AUH: variants seen among roughly 807,000 people sequenced by gnomAD.
The protein encoded by AUH is methylglutaconyl-CoA hydratase, mitochondrial.
In AUH, 29 loss-of-function variants were observed where a neutral mutation model predicts 42.3. That is an observed-to-expected ratio of 0.69 (90% CI 0.51 to 0.93). The LOEUF is 0.93. AUH is among the 40% of genes least tolerant of loss of function. AUH has a pLI of 0.00. For synonymous variants in AUH, 174 were observed against 166.4 expected (o/e 1.05, Z -0.35); for missense variants, 452 against 438.1 (o/e 1.03, Z -0.28).
chr9:91,245,986 C>G (rs954465364), intron 6 of AUH, among the ~76,000 whole-genome samples: 1 of 152,168 alleles, frequency 6.6e-6, no homozygotes, highest in African/African-American at 2.4e-5. Context: ...ATGCCAGACC[C>G]CTGTCCTGAG....
At chr9:91,313,488 G>A (rs1828871965) in intron 4 of AUH, among the ~76,000 whole-genome samples, 1 of 151,772 alleles carries the variant, frequency 6.6e-6, no homozygotes, top group South Asian at 2.1e-4. Context: ...GGTGGATCAT[G>A]AGGTCAGGAG....
intron 6 of AUH, among the ~76,000 whole-genome samples, chr9:91,236,420 A>G (rs74836824): frequency 0.031 from 4,740 of 152,196 alleles, 228 homozygotes; most frequent in African/African-American, 0.1. Context: ...AATCCTTACA[A>G]TTCCCCTATG....
Position 91,296,036 on chromosome 9 carries a change from T to A in AUH, c.640A>T (p.Ile214Phe). 2.5e-6 allele frequency: 4 copies of A among 1,614,068 alleles called. No individual in the cohort carries two copies. Among genetic ancestry groups the A allele is most frequent in the Non-Finnish European group, 3.4e-6 (4 of 1,180,002 alleles). Residue 214 changes from isoleucine (I) to phenylalanine (F), a missense_variant, in exon 6 of 10, where the codon ATT (isoleucine) becomes TTT (phenylalanine). Ile to Phe is a conservative substitution (Grantham distance 21). Transcript: ENST00000375731. ...KMGLVETKLA[I>F]IPGGGGTQRL... ...CTACTCATACCTCCACCAGGAATAA[T>A]CGCCAATTTTGTTTCAACCAGGCCC...
intron 6 of AUH, among the ~76,000 whole-genome samples, chr9:91,258,228 T>G (rs1829512741): frequency 6.6e-6 from 1 of 152,154 alleles, no homozygotes; most frequent in African/African-American, 2.4e-5. Context: ...CATTCTGTAT[T>G]TTTCTTTTTT....
At chr9:91,336,577 C>T (rs763957138) in intron 3 of AUH, among the ~76,000 whole-genome samples, 1 of 151,516 alleles carries the variant, frequency 6.6e-6, no homozygotes, top group Non-Finnish European at 1.5e-5. Context: ...TTGCAGTGAG[C>T]CGTGATTGCA....
chr9:91,312,897 C>T (rs994427575), intron 4 of AUH, among the ~76,000 whole-genome samples: 9 of 152,112 alleles, frequency 5.9e-5, no homozygotes, highest in Non-Finnish European at 1.3e-4. Flanking sequence ...AGTTATAGAT[C>T]CAATTGCCTT....
intron 6 of AUH, among the ~76,000 whole-genome samples, chr9:91,232,975 G>A (rs1174052764): frequency 6.6e-6 from 1 of 152,126 alleles, no homozygotes; most frequent in African/African-American, 2.4e-5. Context: ...GGACCATTTT[G>A]GAATTCCTCC....
chr9:91,344,452 C>A (rs980234892), intron 3 of AUH, among the ~76,000 whole-genome samples: 1 of 152,204 alleles, frequency 6.6e-6, no homozygotes, highest in African/African-American at 2.4e-5. Context: ...CTTGGGCACA[C>A]ATTCTCATGA....
intron 6 of AUH, among the ~76,000 whole-genome samples, chr9:91,267,763 G>A (rs930947920): frequency 3.9e-5 from 6 of 152,102 alleles, no homozygotes; most frequent in Non-Finnish European, 1.5e-5. Flanking sequence ...ACTCCAGGCA[G>A]GCAGGGCAGA....
Position 91,225,315 on chromosome 9 carries a change from C to G in AUH, c.656-4323G>C, listed in dbSNP as rs541762162. Among the ~76,000 whole-genome samples the G allele has an allele frequency of 6.6e-5, 10 of 152,316 alleles. No homozygotes were observed. In the East Asian group the frequency reaches 1.3e-3, roughly 21 times the overall value. On this transcript the variant is annotated intron_variant, in intron 6 of 9. Transcript: ENST00000375731. Reference sequence around the variant, plus strand: ...ATGCCTGGCATCAGACTGTAAGCTCCAAATGTAAAGAGGAGAACTAGAAAA... The same window carrying G: ...ATGCCTGGCATCAGACTGTAAGCTCGAAATGTAAAGAGGAGAACTAGAAAA...
intron 6 of AUH, among the ~76,000 whole-genome samples, chr9:91,283,217 G>C (rs1826117099): frequency 6.6e-6 from 1 of 152,178 alleles, no homozygotes; most frequent in African/African-American, 2.4e-5. Flanking sequence ...AAAACCACAT[G>C]ATTATCTCAA....
intron 6 of AUH, among the ~76,000 whole-genome samples, chr9:91,231,269 C>G (rs1424754547): frequency 1.3e-5 from 2 of 152,124 alleles, no homozygotes; most frequent in Non-Finnish European, 2.9e-5. Context: ...TTTTTTAAGC[C>G]CGTCGGAAAA....
chr9:91,327,403 T>C (rs939143447), intron 3 of AUH, among the ~76,000 whole-genome samples: 6 of 152,162 alleles, frequency 3.9e-5, no homozygotes, highest in Non-Finnish European at 8.8e-5. Flanking sequence ...TTCTGGATGA[T>C]GCCTTTTAAC....
intron 6 of AUH, among the ~76,000 whole-genome samples, chr9:91,236,880 C>CT (rs1828215516): frequency 6.6e-6 from 1 of 152,120 alleles, no homozygotes; most frequent in Admixed American, 6.5e-5. Context: ...GTAATTTATT[C>CT]TTAGCCCACC....
intron 9 of AUH, among the ~76,000 whole-genome samples, chr9:91,215,120 T>C (rs1366659784): frequency 6.6e-6 from 1 of 152,192 alleles, no homozygotes; most frequent in Non-Finnish European, 1.5e-5. Flanking sequence ...CGAGTGCTCA[T>C]GCAGTTTCCA....
chr9:91,275,703 A>G (rs1272616008), intron 6 of AUH, among the ~76,000 whole-genome samples: 1 of 152,244 alleles, frequency 6.6e-6, no homozygotes, highest in Admixed American at 6.5e-5. Flanking sequence ...ACCCAAAAGG[A>G]TGACTATGGC....
chr9:91,297,020 C>T (rs536552187), intron 5 of AUH, among the ~76,000 whole-genome samples: 2 of 152,346 alleles, frequency 1.3e-5, no homozygotes, highest in Admixed American at 1.3e-4. Context: ...AACTCTGTGC[C>T]GTCTGCTGTG....
intron 4 of AUH, among the ~76,000 whole-genome samples, chr9:91,314,853 T>TA (rs1829024023): frequency 6.6e-6 from 1 of 152,224 alleles, no homozygotes; most frequent in Non-Finnish European, 1.5e-5. Flanking sequence ...TTCTTCCTGA[T>TA]AAAGAGACTA....
At chr9:91,283,284 A>G (rs948492616) in intron 6 of AUH, among the ~76,000 whole-genome samples, 2 of 152,222 alleles carry the variant, frequency 1.3e-5, no homozygotes, top group African/African-American at 4.8e-5. Context: ...AAAACTCTCA[A>G]TAAATTAGGT....
Sources: gnomAD v4.1 joint callset for allele counts (sites outside exome capture counted in the v4.1 genomes callset) on GRCh38, gnomAD v4.1.1 for gene constraint, MANE v1.5 for transcripts, NCBI Gene and HGNC (gene_info 2026-07-23, HGNC 2026-07-21) for gene names.